Variants in TTLL7 observed in about 807,000 individuals in gnomAD.
TTLL7 encodes tubulin polyglutamylase TTLL7.
TTLL7 carries 53 observed loss-of-function variants against 120.2 expected under a neutral mutation model. The observed-to-expected ratio is 0.44, with a 90% CI of 0.35 to 0.55. The LOEUF is 0.55. TTLL7 is among the 20% of genes least tolerant of loss of function. The pLI, the probability that TTLL7 is intolerant of heterozygous loss-of-function variation, is 0.00. For missense variants in TTLL7, 803 were observed against 1,054.7 expected (o/e 0.76, Z 3.31); for synonymous variants, 353 against 351.7 (o/e 1.00, Z -0.04).
At chr1:83,917,559 G>T in intron 14 of TTLL7, 45 bp downstream of exon 14, 2 of 1,350,266 alleles carry the variant, frequency 1.5e-6, no homozygotes, top group Non-Finnish European at 2.1e-6. Flanking sequence ...TCAAGGGCTA[G>T]TAGCATCTAC....
intron 14 of TTLL7, among the ~76,000 whole-genome samples, chr1:83,915,145 CT>C (rs370775493): frequency 5.5e-4 from 81 of 148,568 alleles, no homozygotes; most frequent in Non-Finnish European, 8.4e-4. Flanking sequence ...AAGTCAATGA[CT>C]TTTTTTTTTA....
chr1:83,955,419 T>C (rs184902149), intron 1 of TTLL7, among the ~76,000 whole-genome samples: 1 of 152,290 alleles, frequency 6.6e-6, no homozygotes, highest in Admixed American at 6.5e-5. Context: ...AGAAGGTGAT[T>C]GGGTCCTGAG....
rs1204972901 is a variant in TTLL7 at position 83,892,545 on chromosome 1, A to G, written c.2209-2064T>C. Among the ~76,000 whole-genome samples, 3 of 144,840 alleles carry G rather than the reference A, an allele frequency of 2.1e-5. No individual in the cohort carries two copies. In the East Asian group the frequency reaches 6.0e-4, roughly 29 times the overall value. On this transcript the variant is annotated intron_variant, in intron 18 of 20. Coordinates refer to ENST00000260505, the MANE Select transcript of TTLL7 (RefSeq NM_024686.6). ...GAACATATATATGAACATATGAATG[A>G]ACATATATATGAACATATGAACATA...
intron 20 of TTLL7, among the ~76,000 whole-genome samples, chr1:83,871,896 CAAAAAAAAA>C (rs1281907006): frequency 6.8e-5 from 3 of 44,004 alleles, no homozygotes; most frequent in African/African-American, 2.1e-4. Flanking sequence ...GACTCCATCT[CAAAAAAAAA>C]AAAAAAAAAA....
intron 1 of TTLL7, among the ~76,000 whole-genome samples, chr1:83,967,791 A>G (rs1239721527): frequency 1.3e-5 from 2 of 152,010 alleles, no homozygotes; most frequent in African/African-American, 4.8e-5. Context: ...TCCAGTTAAA[A>G]CTGGATCCAA....
chr1:83,940,946 A>G (rs1451342626), intron 7 of TTLL7, among the ~76,000 whole-genome samples: 2 of 152,094 alleles, frequency 1.3e-5, no homozygotes, highest in African/African-American at 4.8e-5. Context: ...AAGCCTTAAG[A>G]GATCTGGTTT....
Position 83,909,240 on chromosome 1 carries a change from T to C in TTLL7, c.1787-1579A>G, listed in dbSNP as rs1003453505. ...GGCAGAAGGAAAATATCCTTTGTCT[T>C]GAATCATCACAGATTACTTTTTTTT... On this transcript the variant is annotated intron_variant, in intron 15 of 20. Transcript: ENST00000260505. 3.3e-5 allele frequency among the ~76,000 whole-genome samples: 5 copies of C among 149,548 alleles called. No individual in the cohort carries two copies. The East Asian group carries it at 9.8e-4, about 29-fold the overall frequency.
intron 1 of TTLL7, among the ~76,000 whole-genome samples, chr1:83,975,075 T>C (rs144259456): frequency 3.3e-5 from 5 of 152,220 alleles, no homozygotes; most frequent in African/African-American, 1.2e-4. Context: ...ACAGTGCCTA[T>C]TACATAGTGA....
chr1:83,933,838 C>T (rs1659800929), intron 8 of TTLL7, 72 bp from the exon 9 acceptor site: 2 of 1,472,692 alleles, frequency 1.4e-6, no homozygotes, highest in Non-Finnish European at 1.8e-6. Flanking sequence ...TAACCGGGGC[C>T]CACAAACTGG....
At chr1:83,876,048 T>G (rs1653901487) in intron 20 of TTLL7, among the ~76,000 whole-genome samples, 1 of 151,970 alleles carries the variant, frequency 6.6e-6, no homozygotes, top group Non-Finnish European at 1.5e-5. Flanking sequence ...TATGCAGTTT[T>G]ACCTTTCACA....
intron 14 of TTLL7, 96 bp from the exon 15 acceptor site, chr1:83,911,459 G>A (rs951671716): frequency 1.7e-5 from 16 of 961,272 alleles, no homozygotes; most frequent in Non-Finnish European, 2.3e-5. Flanking sequence ...TATGCTTGCT[G>A]CTTTTTACTG....
chr1:83,918,290 G>A (rs1310371041), intron 13 of TTLL7, among the ~76,000 whole-genome samples: 1 of 152,104 alleles, frequency 6.6e-6, no homozygotes, highest in Non-Finnish European at 1.5e-5. Flanking sequence ...CACCTTTCCT[G>A]CGTTCTACTA....
intron 7 of TTLL7, among the ~76,000 whole-genome samples, chr1:83,941,780 A>G (rs1647992415): frequency 6.6e-6 from 1 of 152,228 alleles, no homozygotes; most frequent in Non-Finnish European, 1.5e-5. Flanking sequence ...ATGATAAATT[A>G]TAGCTAGAAC....
At chr1:83,930,140 TCCCACTA>T (rs1344886425) in intron 9 of TTLL7, among the ~76,000 whole-genome samples, 2 of 152,148 alleles carry the variant, frequency 1.3e-5, no homozygotes. Flanking sequence ...ATACCTGTAA[TCCCACTA>T]CTTAACACTT....
At chr1:83,891,802 A>C (rs1339168942) in intron 18 of TTLL7, among the ~76,000 whole-genome samples, 1 of 147,908 alleles carries the variant, frequency 6.8e-6, no homozygotes, top group Non-Finnish European at 1.5e-5. Context: ...TAAGGTAAAA[A>C]ATGTACTAGA....
chr1:83,987,395 T>C (rs1445213933), intron 1 of TTLL7, among the ~76,000 whole-genome samples: 1 of 152,142 alleles, frequency 6.6e-6, no homozygotes, highest in Non-Finnish European at 1.5e-5. Flanking sequence ...TAAATCAACG[T>C]ATAGGTTTAA....
Position 83,867,309 on chromosome 1 carries a change from C to G in TTLL7, c.*2653G>C, listed in dbSNP as rs1410773366. 6.6e-6 allele frequency: 1 copy of G among 151,988 alleles called. No individual in the cohort carries two copies. Among genetic ancestry groups the G allele is most frequent in the African/African-American group, 2.4e-5 (1 of 41,432 alleles). The allele number at this position is 151,988 out of a possible 1,614,324, so 9.4% of individuals were successfully genotyped here. On this transcript the variant is annotated 3_prime_UTR_variant, in exon 21 of 21. Coordinates refer to ENST00000260505, the MANE Select transcript of TTLL7 (RefSeq NM_024686.6). ...TTAGGGAATAGCACTACAGCAGACA[C>G]AGTCCATAGCATACCAGGTAGTATA... is the stretch of plus-strand genomic sequence containing the variant.
intron 14 of TTLL7, among the ~76,000 whole-genome samples, chr1:83,914,905 G>C (rs1571168871): frequency 1.3e-5 from 2 of 152,112 alleles, no homozygotes; most frequent in Non-Finnish European, 2.9e-5. Context: ...ACACTGGCTA[G>C]GTTCTAAGAA....
intron 10 of TTLL7, among the ~76,000 whole-genome samples, chr1:83,923,880 T>C (rs1658889924): frequency 6.6e-6 from 1 of 152,138 alleles, no homozygotes; most frequent in African/African-American, 2.4e-5. Context: ...CTTTCTTGAG[T>C]CTTTTCCACT....
Sources: gnomAD v4.1 joint callset for allele counts (sites outside exome capture counted in the v4.1 genomes callset) on GRCh38, gnomAD v4.1.1 for gene constraint, MANE v1.5 for transcripts, NCBI Gene and HGNC (gene_info 2026-07-23, HGNC 2026-07-21) for gene names.